The following CUL4A variants were observed in gnomAD, a reference collection of about 807,000 sequenced individuals.
CUL4A encodes cullin-4A.
CUL4A carries 16 observed loss-of-function variants against 95.5 expected under a neutral mutation model. That is an observed-to-expected ratio of 0.17 (90% CI 0.11 to 0.25). The LOEUF is 0.25. Among genes scored for constraint, CUL4A ranks in the 10% least tolerant of loss-of-function variants. The probability of loss-of-function intolerance (pLI) is 1.00; values close to 1 mark genes in which losing one functional copy is unlikely to be tolerated. For missense variants in CUL4A, 610 were observed against 937.0 expected, an observed-to-expected ratio of 0.65 and a Z score of 4.56; for synonymous variants, 380 against 353.1, an observed-to-expected ratio of 1.08 and a Z score of -0.85.
chr13:113,232,795 G>T (rs982447513), intron 5 of CUL4A, among the ~76,000 whole-genome samples: 16 of 152,282 alleles, frequency 1.1e-4, no homozygotes, highest in African/African-American at 3.1e-4. Context: ...AGGGCTGTTG[G>T]AGACGGTGGC....
chr13:113,256,926 GTTTTTTTTTTTTTTTT>G (rs951070829), intron 18 of CUL4A, among the ~76,000 whole-genome samples: 1 of 47,374 alleles, frequency 2.1e-5, no homozygotes, highest in South Asian at 1.1e-3. Flanking sequence ...TTTTTTTTTC[GTTTTTTTTTTTTTTTT>G]TTTTTTTGCA....
At chr13:113,249,807 T>G (rs535642598) in intron 15 of CUL4A, among the ~76,000 whole-genome samples, 100 of 152,338 alleles carry the variant, frequency 6.6e-4, no homozygotes, top group East Asian at 3.7e-3. Flanking sequence ...TGAGCTGGTC[T>G]CTCATCTTGC....
In CUL4A at chr13:113,241,848, C is replaced by CGT. The variant is rs113869209; in HGVS notation, c.1036-1110_1036-1109dup. Among the ~76,000 whole-genome samples the CGT allele has an allele frequency of 8.7e-3, 1,316 of 151,960 alleles. 26 individuals are homozygous for CGT. The highest frequency in any genetic ancestry group is 0.029 in the African/African-American group (1,221 of 41,442). ...ATCTTTCCACCAGCCAGCTACCTCG[C>CGT]GTGTGTGTGTGATGTGTGAGTGCAC... is the stretch of plus-strand genomic sequence containing the variant. On this transcript the variant is annotated intron_variant, in intron 10 of 19. Transcript: ENST00000375440.
chr13:113,217,700 A>G (rs1038448790), intron 2 of CUL4A, among the ~76,000 whole-genome samples: 40 of 152,226 alleles, frequency 2.6e-4, no homozygotes, highest in Non-Finnish European at 4.3e-4. Context: ...TCCTAATTAA[A>G]TTCAGATTAT....
intron 3 of CUL4A, among the ~76,000 whole-genome samples, chr13:113,227,655 C>T (rs539883735): frequency 1.1e-4 from 17 of 152,258 alleles, no homozygotes; most frequent in African/African-American, 3.6e-4. Context: ...CCTGTAATCC[C>T]GGCACTTTGG....
In CUL4A at chr13:113,239,548, C is replaced by T. The variant is rs1566353947; in HGVS notation, c.1032C>T (p.Ile344=). 1.2e-6 allele frequency: 2 copies of T among 1,609,228 alleles called. No homozygotes were observed. Among genetic ancestry groups the T allele is most frequent in the Non-Finnish European group, 1.7e-6 (2 of 1,177,308 alleles). ...TGCTGCAGCACTGGAGCGAGTACAT[C>T]AAGGTACTGGCGGGGTTTTGAGGCC... ...QALLQHWSEY[I]KTFGTAIVIN... is the part of the protein sequence containing the mutation. The change falls in exon 10 of 20, where the codon ATC becomes ATT. Residue 344 remains isoleucine (I), a synonymous_variant. Transcript: ENST00000375440.
chr13:113,259,797 T>G (rs1027256188), intron 18 of CUL4A, among the ~76,000 whole-genome samples: 1 of 152,214 alleles, frequency 6.6e-6, no homozygotes, highest in Non-Finnish European at 1.5e-5. Flanking sequence ...TTAAAAATAT[T>G]TTTTAAGTTT....
chr13:113,230,699 A>G (rs1025738701), intron 5 of CUL4A, among the ~76,000 whole-genome samples: 4 of 152,234 alleles, frequency 2.6e-5, no homozygotes, highest in Middle Eastern at 3.2e-3. Flanking sequence ...ACTAAGGCAC[A>G]TAAGTTAAAA....
chr13:113,209,127 C>G (rs2040214185), upstream of CUL4A, among the ~76,000 whole-genome samples: 1 of 150,654 alleles, frequency 6.6e-6, no homozygotes. Context: ...GGAGTTAGGG[C>G]ACGTCCCGGC....
At chr13:113,216,825 G>C (rs1422524577) in intron 2 of CUL4A, among the ~76,000 whole-genome samples, 2 of 152,240 alleles carry the variant, frequency 1.3e-5, no homozygotes. Context: ...AACAAAGGCT[G>C]TCGCCTTTCC....
upstream of CUL4A, chr13:113,208,665 C>A (rs373010760): frequency 4.2e-5 from 67 of 1,598,100 alleles, no homozygotes; most frequent in African/African-American, 4.0e-4. Context: ...AGCGCCACCC[C>A]CTACGCCTCA....
At chr13:113,228,557 T>A (rs145501266) in intron 4 of CUL4A, among the ~76,000 whole-genome samples, 115 of 152,230 alleles carry the variant, frequency 7.6e-4, no homozygotes, top group African/African-American at 2.6e-3. Flanking sequence ...ATTTCTTTTC[T>A]GGGCCAGGTA....
intron 4 of CUL4A, among the ~76,000 whole-genome samples, chr13:113,228,872 G>A (rs1210199457): frequency 1.3e-5 from 2 of 152,052 alleles, no homozygotes; most frequent in Non-Finnish European, 2.9e-5. Flanking sequence ...TGTAATCCCA[G>A]CTCTTTGGGA....
intron 3 of CUL4A, among the ~76,000 whole-genome samples, chr13:113,227,126 C>T (rs2041134307): frequency 6.6e-6 from 1 of 152,208 alleles, no homozygotes; most frequent in Admixed American, 6.5e-5. Context: ...GAAAGCAGCA[C>T]AGGCAAGCTG....
At chr13:113,208,863 CTGAT>C (rs1478383492), upstream of CUL4A, 45 of 1,404,708 alleles carry the variant, frequency 3.2e-5, no homozygotes, top group Non-Finnish European at 4.0e-5. Context: ...GCCAGCGGCT[CTGAT>C]TGTGTGTTCG....
chr13:113,219,863 G>A (rs188387489), intron 3 of CUL4A: 2 of 152,362 alleles, frequency 1.3e-5, no homozygotes, highest in East Asian at 1.9e-4. Flanking sequence ...ACGTCTACAG[G>A]GGAGTCTCTG....
intron 15 of CUL4A, among the ~76,000 whole-genome samples, chr13:113,247,912 C>T (rs1431582974): frequency 2.0e-5 from 3 of 152,132 alleles, no homozygotes; most frequent in African/African-American, 7.2e-5. Flanking sequence ...GGTGTTTTTC[C>T]GGTACCCAGC....
Position 113,254,695 on chromosome 13 carries a change from G to A in CUL4A, c.1755G>A (p.Gly585=), listed in dbSNP as rs767681935. ...HAVLKAEFKE[G]KKEFQVSLFQ... is the part of the protein sequence containing the mutation. Reference sequence around the variant, plus strand: ...TGTGATGAGGCCTTCTCTTCCAGGGGAAGAAGGAATTCCAGGTGTCCCTCT... The same window carrying A: ...TGTGATGAGGCCTTCTCTTCCAGGGAAAGAAGGAATTCCAGGTGTCCCTCT... The change falls in exon 17 of 20, where the codon GGG becomes GGA. Residue 585 remains glycine (G), a splice_region_variant and synonymous_variant. Coordinates refer to ENST00000375440, the MANE Select transcript of CUL4A (RefSeq NM_001008895.4). 5.6e-6 allele frequency: 9 copies of A among 1,604,018 alleles called. No homozygotes were observed. Among genetic ancestry groups the A allele is most frequent in the Non-Finnish European group, 7.7e-6 (9 of 1,173,846 alleles).
intron 5 of CUL4A, chr13:113,229,830 C>A (rs557922625): frequency 2.2e-6 from 1 of 463,204 alleles, no homozygotes; most frequent in Admixed American, 3.9e-5. Flanking sequence ...CTCTTTCCAG[C>A]GCTGCAGTTG....
Sources: gnomAD v4.1 joint callset for allele counts (sites outside exome capture counted in the v4.1 genomes callset) on GRCh38, gnomAD v4.1.1 for gene constraint, MANE v1.5 for transcripts, NCBI Gene and HGNC (gene_info 2026-07-23, HGNC 2026-07-21) for gene names.